The following PDCD6IP variants were observed in gnomAD, a reference collection of about 807,000 sequenced individuals.
PDCD6IP encodes the protein programmed cell death 6-interacting protein.
PDCD6IP carries 43 observed loss-of-function variants against 103.7 expected under a neutral mutation model. That is an observed-to-expected ratio of 0.41 (90% CI 0.32 to 0.53). The LOEUF (loss-of-function observed/expected upper bound fraction) is 0.53, where lower values mean the gene tolerates loss of function less well. PDCD6IP is among the 20% of genes least tolerant of loss of function. The probability of loss-of-function intolerance (pLI) is 0.16; values close to 1 mark genes in which losing one functional copy is unlikely to be tolerated. For missense variants in PDCD6IP, 871 were observed against 1,036.7 expected, an observed-to-expected ratio of 0.84 and a Z score of 2.20; for synonymous variants, 354 against 378.7, an observed-to-expected ratio of 0.93 and a Z score of 0.76.
rs1314476677 is a variant in PDCD6IP at position 33,841,881 on chromosome 3, T to C, written c.1182-16T>C. On this transcript the variant is annotated splice_polypyrimidine_tract_variant and intron_variant, in intron 9 of 17. Coordinates refer to ENST00000307296, the MANE Select transcript of PDCD6IP (RefSeq NM_013374.6). ...TGTTTTAGACTTCAGTATAACATAG[T>C]ATCTCATTTTTTCAGGGTGCTAGCT... 6.5e-7 allele frequency: 1 copy of C among 1,528,272 alleles called. No individual in the cohort carries two copies. Among genetic ancestry groups the C allele is most frequent in the Admixed American group, 1.9e-5 (1 of 53,638 alleles). 94.7% of individuals were successfully genotyped at this position (1,528,272 alleles called of 1,614,324 possible). A position where few individuals can be genotyped will look rare whatever the true frequency, so the allele number is the denominator to read the frequency against.
chr3:33,798,870 A>C lies in PDCD6IP; in HGVS notation c.142A>C (p.Lys48Gln). 6.5e-7 allele frequency: 1 copy of C among 1,550,214 alleles called. No homozygotes were observed. The highest frequency in any genetic ancestry group is 1.2e-5 in the South Asian group (1 of 84,080). The change falls in exon 1 of 18, where the codon AAG becomes CAG. Residue 48 changes from lysine (K) to glutamine (Q), a missense_variant. Coordinates refer to ENST00000307296, the MANE Select transcript of PDCD6IP (RefSeq NM_013374.6). ...CTGCCGCGCGGCGGAGGAGCTCAGCAAGCTGCGCCGCGCCGCAGTCGGTCG... is the reference window on the plus strand; with the variant it reads ...CTGCCGCGCGGCGGAGGAGCTCAGCCAGCTGCGCCGCGCCGCAGTCGGTCG... ...QYCRAAEELS[K>Q]LRRAAVGRPL...
chr3:33,809,523 C>G (rs1353634092), intron 1 of PDCD6IP, among the ~76,000 whole-genome samples: 2 of 152,178 alleles, frequency 1.3e-5, no homozygotes, highest in Non-Finnish European at 1.5e-5. Context: ...TAATGGGAAT[C>G]CACCAAAGGG....
intron 15 of PDCD6IP, among the ~76,000 whole-genome samples, chr3:33,862,368 A>C (rs1341108551): frequency 6.6e-6 from 1 of 152,120 alleles, no homozygotes; most frequent in Non-Finnish European, 1.5e-5. Context: ...TCAGGGCAAA[A>C]GGTACTGTCT....
At chr3:33,856,068 C>T (rs573501652) in intron 15 of PDCD6IP, among the ~76,000 whole-genome samples, 6 of 152,278 alleles carry the variant, frequency 3.9e-5, no homozygotes, top group Admixed American at 6.5e-5. Flanking sequence ...CTCATAGGAG[C>T]GCAAACTCTA....
intron 7 of PDCD6IP, among the ~76,000 whole-genome samples, chr3:33,830,278 T>C (rs1441617648): frequency 6.6e-6 from 1 of 152,170 alleles, no homozygotes; most frequent in Non-Finnish European, 1.5e-5. Context: ...GATTTATATA[T>C]AAAAATGATT....
Position 33,868,242 on chromosome 3 carries a change from CAGTG to C in PDCD6IP, c.*1720_*1723del, listed in dbSNP as rs1234620536. 3.3e-5 allele frequency: 5 copies of C among 152,060 alleles called. No homozygotes were observed. Among genetic ancestry groups the C allele is most frequent in the East Asian group, 1.9e-4 (1 of 5,190 alleles). The allele number at this position is 152,060 out of a possible 1,614,324, so 9.4% of individuals were successfully genotyped here. A position where few individuals can be genotyped will look rare whatever the true frequency, so the allele number is the denominator to read the frequency against. ...TGAGGTACTTTATACTAACATAAGA[CAGTG>C]AGAGTTAGAGGTATTACAAGTTGCT... On this transcript the variant is annotated 3_prime_UTR_variant, in exon 18 of 18. Transcript: ENST00000307296.
chr3:33,826,922 A>C, intron 6 of PDCD6IP: 1 of 1,022,042 alleles, frequency 9.8e-7, no homozygotes, highest in Non-Finnish European at 1.2e-6. Flanking sequence ...TGTATACTTG[A>C]GCATGTTGAT....
At chr3:33,865,629 T>C (rs1476925292) in intron 17 of PDCD6IP, among the ~76,000 whole-genome samples, 199 bp downstream of exon 17, 1 of 152,264 alleles carries the variant, frequency 6.6e-6, no homozygotes, top group Admixed American at 6.5e-5. Context: ...CTTTTAAAAT[T>C]TATGTTTTTA....
At chr3:33,811,935 TAAAAAAC>T in intron 1 of PDCD6IP, 130 bp from the exon 2 acceptor site, 1 of 1,231,992 alleles carries the variant, frequency 8.1e-7, no homozygotes. Flanking sequence ...GTTTACGTAT[TAAAAAAC>T]TTTTTTTCAT....
chr3:33,826,406 C>T (rs1430987800), intron 5 of PDCD6IP, 74 bp from the exon 6 acceptor site: 14 of 976,202 alleles, frequency 1.4e-5, no homozygotes, highest in Non-Finnish European at 2.0e-5. Context: ...AAACTTGTGA[C>T]CTCAGTGTTT....
intron 7 of PDCD6IP, among the ~76,000 whole-genome samples, chr3:33,829,332 T>G (rs1218193899): frequency 6.6e-6 from 1 of 152,148 alleles, no homozygotes. Flanking sequence ...TCAGTTCTCT[T>G]TTTTGGTCAT....
intron 3 of PDCD6IP, among the ~76,000 whole-genome samples, chr3:33,819,086 CTCTT>C (rs1696928684): frequency 1.3e-5 from 2 of 151,882 alleles, no homozygotes; most frequent in Admixed American, 1.3e-4. Context: ...TCTTTTGTCT[CTCTT>C]TCTTTGGAAT....
At chr3:33,850,518 A>G (rs1014382457) in intron 12 of PDCD6IP, among the ~76,000 whole-genome samples, 1 of 152,088 alleles carries the variant, frequency 6.6e-6, no homozygotes, top group African/African-American at 2.4e-5. Flanking sequence ...TGCAAGAACA[A>G]CAACAAACAA....
At position 33,812,101 on chromosome 3, in the gene PDCD6IP, C is replaced by A; in HGVS notation, c.239C>A (p.Pro80His). 2 of 1,596,182 alleles carry A rather than the reference C, an allele frequency of 1.3e-6. No homozygotes were observed. Among genetic ancestry groups the A allele is most frequent in the Non-Finnish European group, 1.7e-6 (2 of 1,171,590 alleles). The stretch of plus-strand genomic sequence containing the variant: ...TATGATCAGATTTGTTCTATTGAAC[C>A]CAAATTCCCATTTTCTGAAAATCAG... Reference protein sequence around the residue: ...RYYDQICSIEPKFPFSENQIC... With the variant: ...RYYDQICSIEHKFPFSENQIC... Residue 80 changes from proline to histidine, a missense_variant, in exon 2 of 18, where the codon CCC (proline) becomes CAC (histidine). Pro to His is a moderately conservative substitution (Grantham distance 77). Transcript: ENST00000307296.
rs1698096103 is a variant in PDCD6IP, at chr3:33,867,727, G to A, written c.*1202G>A. ...TGGAATGAGAAAATGAGAAAGGAAT[G>A]AGTTGTCTAACATCACAGTGGGATC... On this transcript the variant is annotated 3_prime_UTR_variant, in exon 18 of 18. Coordinates refer to ENST00000307296, the MANE Select transcript of PDCD6IP (RefSeq NM_013374.6). 6.6e-6 allele frequency: 1 copy of A among 152,194 alleles called. No homozygotes were observed. The highest frequency in any genetic ancestry group is 1.5e-5 in the Non-Finnish European group (1 of 68,028). 9.4% of individuals were successfully genotyped at this position (152,194 alleles called of 1,614,324 possible).
chr3:33,827,286 C>A, intron 6 of PDCD6IP: 1 of 810,048 alleles, frequency 1.2e-6, no homozygotes, highest in Non-Finnish European at 1.5e-6. Context: ...GTTTCAACTA[C>A]TTCCTTCAGA....
At chr3:33,828,494 G>T (rs924256620) in intron 6 of PDCD6IP, 1 of 165,372 alleles carries the variant, frequency 6.0e-6, no homozygotes. Context: ...TCTGTGCTTT[G>T]TGTTCCTCTG....
chr3:33,853,825 A>G, intron 13 of PDCD6IP, 54 bp from the exon 14 acceptor site: 1 of 1,267,398 alleles, frequency 7.9e-7, no homozygotes, highest in Non-Finnish European at 1.0e-6. Context: ...AAATGTTATG[A>G]GCTATATTAA....
At chr3:33,866,204 C>G (rs1698061011) in intron 17 of PDCD6IP, 147 bp from the exon 18 acceptor site, 4 of 480,006 alleles carry the variant, frequency 8.3e-6, no homozygotes, top group African/African-American at 2.0e-5. Flanking sequence ...TGACAAGTGC[C>G]TTGAAACAGT....
Sources: allele counts gnomAD v4.1 joint callset (sites outside exome capture counted in the v4.1 genomes callset), GRCh38; gene constraint gnomAD v4.1.1; transcripts MANE v1.5; gene names NCBI Gene and HGNC (gene_info 2026-07-23, HGNC 2026-07-21).